The following GRIA4 variants were observed in gnomAD, a reference collection of about 807,000 sequenced individuals.
GRIA4 encodes the protein glutamate ionotropic receptor AMPA type subunit 4, also known as glutamate receptor 4.
Under a neutral mutation model 104.0 loss-of-function variants are expected in GRIA4, and 34 were observed. The ratio of observed to expected loss-of-function variants is 0.33; its 90% CI spans 0.25 to 0.44. The LOEUF (loss-of-function observed/expected upper bound fraction) is 0.44. GRIA4 is among the 20% of genes least tolerant of loss of function. The pLI, the probability that GRIA4 is intolerant of heterozygous loss-of-function variation, is 1.00. For synonymous variants in GRIA4, 386 were observed against 381.9 expected, an observed-to-expected ratio of 1.01 and a Z score of -0.13; for missense variants, 750 against 1,096.5, an observed-to-expected ratio of 0.68 and a Z score of 4.46.
At chr11:105,931,978 T>C (rs1305095243) in intron 13 of GRIA4, among the ~76,000 whole-genome samples, 2 of 152,122 alleles carry the variant, frequency 1.3e-5, no homozygotes, top group South Asian at 2.1e-4. Flanking sequence ...GGAAGCTCAA[T>C]GTAAATAAAT....
intron 4 of GRIA4, chr11:105,824,487 A>C (rs866785202): frequency 2.0e-5 from 3 of 152,232 alleles, no homozygotes; most frequent in South Asian, 2.1e-4. Flanking sequence ...TATTCACAAT[A>C]GCGTTGCATC....
At chr11:105,832,308 T>C (rs1944004891) in intron 4 of GRIA4, among the ~76,000 whole-genome samples, 1 of 151,772 alleles carries the variant, frequency 6.6e-6, no homozygotes, top group Non-Finnish European at 1.5e-5. Context: ...TAACTTTCTA[T>C]TACTGTCTTT....
intron 4 of GRIA4, among the ~76,000 whole-genome samples, chr11:105,794,473 GTATATATATATATA>G (rs71041629): frequency 8.2e-4 from 36 of 43,882 alleles, no homozygotes; most frequent in Admixed American, 2.8e-3. Context: ...GTATATGTAT[GTATATATATATATA>G]TATATATATA....
intron 5 of GRIA4, among the ~76,000 whole-genome samples, chr11:105,869,267 A>G (rs1647323838): frequency 6.6e-6 from 1 of 152,158 alleles, no homozygotes; most frequent in South Asian, 2.1e-4. Flanking sequence ...TTCTACGATT[A>G]GGTTAGGTTC....
chr11:105,906,244 A>T (rs879435338), intron 9 of GRIA4, among the ~76,000 whole-genome samples: 28 of 152,046 alleles, frequency 1.8e-4, no homozygotes, highest in Non-Finnish European at 3.4e-4. Flanking sequence ...CTTTTTTTCA[A>T]ATGAGAAAAT....
intron 4 of GRIA4, among the ~76,000 whole-genome samples, chr11:105,817,080 C>A (rs1943408109): frequency 6.6e-6 from 1 of 152,148 alleles, no homozygotes; most frequent in East Asian, 1.9e-4. Flanking sequence ...GGGTTTGAAT[C>A]CCAGCCTCTT....
intron 3 of GRIA4, among the ~76,000 whole-genome samples, chr11:105,719,331 G>A (rs1954213855): frequency 6.6e-6 from 1 of 152,106 alleles, no homozygotes; most frequent in Non-Finnish European, 1.5e-5. Context: ...GTTGTCCCAC[G>A]AGCGGCTGGC....
intron 6 of GRIA4, among the ~76,000 whole-genome samples, chr11:105,888,415 C>G (rs1357401835): frequency 1.3e-5 from 2 of 149,152 alleles, no homozygotes; most frequent in East Asian, 4.0e-4. Context: ...TCCCAAGTAG[C>G]TGGGACTACA....
intron 5 of GRIA4, among the ~76,000 whole-genome samples, chr11:105,877,617 T>C (rs1020354097): frequency 2.6e-5 from 4 of 152,166 alleles, no homozygotes; most frequent in Non-Finnish European, 4.4e-5. Context: ...TTTTCATTCT[T>C]TTTTCTCTAA....
chr11:105,649,358 G>C (rs1406028565), intron 3 of GRIA4, among the ~76,000 whole-genome samples: 1 of 152,052 alleles, frequency 6.6e-6, no homozygotes, highest in Non-Finnish European at 1.5e-5. Flanking sequence ...TCAAAACTTT[G>C]ATATAGAATG....
intron 4 of GRIA4, among the ~76,000 whole-genome samples, chr11:105,832,090 T>C (rs755697131): frequency 2.0e-5 from 3 of 151,782 alleles, no homozygotes; most frequent in Non-Finnish European, 4.4e-5. Flanking sequence ...ATCAATGAAA[T>C]CATCAAAGTA....
intron 4 of GRIA4, among the ~76,000 whole-genome samples, chr11:105,775,510 T>C (rs1318917910): frequency 2.0e-5 from 3 of 151,916 alleles, no homozygotes; most frequent in Non-Finnish European, 4.4e-5. Context: ...AAAATAGGCC[T>C]GAAAAAATTT....
intron 10 of GRIA4, chr11:105,912,492 T>TA: frequency 1.3e-6 from 1 of 769,946 alleles, no homozygotes; most frequent in Non-Finnish European, 1.6e-6. Context: ...AAAAAAAGAC[T>TA]AAAAATGACT....
At chr11:105,841,114 A>G (rs565275660) in intron 4 of GRIA4, among the ~76,000 whole-genome samples, 1 of 152,150 alleles carries the variant, frequency 6.6e-6, no homozygotes, top group Non-Finnish European at 1.5e-5. Context: ...ACTTCTCTAT[A>G]TATCTTAATG....
intron 10 of GRIA4, chr11:105,912,316 G>A: frequency 1.0e-6 from 1 of 975,074 alleles, no homozygotes; most frequent in Non-Finnish European, 1.2e-6. Context: ...TTGGAATTTT[G>A]CCTGTTCTGT....
chr11:105,672,266 T>C (rs1565453141), intron 3 of GRIA4, among the ~76,000 whole-genome samples: 1 of 152,100 alleles, frequency 6.6e-6, no homozygotes, highest in Non-Finnish European at 1.5e-5. Flanking sequence ...AAGACAGTCA[T>C]TGATTGCCCA....
In GRIA4 at chr11:105,893,130, G is replaced by A. The variant is rs1946513976; in HGVS notation, c.727-5139G>A. ...GGTAATTAACCATTGTGAAATTCAA[G>A]CAAAGTAGTGGCCCATTTTAACAAG... On this transcript the variant is annotated intron_variant, in intron 6 of 16. Transcript: ENST00000282499. Among the ~76,000 whole-genome samples the A allele has an allele frequency of 1.3e-5, 2 of 152,078 alleles. 1 individual carries two copies. The highest frequency in any genetic ancestry group is 2.9e-5 in the Non-Finnish European group (2 of 67,994).
At chr11:105,665,961 A>T (rs1952152462) in intron 3 of GRIA4, among the ~76,000 whole-genome samples, 1 of 152,048 alleles carries the variant, frequency 6.6e-6, no homozygotes, top group Admixed American at 6.6e-5. Context: ...GAAGGATACT[A>T]TTCATACCTT....
At chr11:105,880,983 G>A (rs938600581) in intron 5 of GRIA4, among the ~76,000 whole-genome samples, 54 of 152,292 alleles carry the variant, frequency 3.5e-4, no homozygotes, top group African/African-American at 1.3e-3. Flanking sequence ...CCCAGAGGCT[G>A]ACCTTAAAAC....
Sources: allele counts gnomAD v4.1 joint callset (sites outside exome capture counted in the v4.1 genomes callset), GRCh38; gene constraint gnomAD v4.1.1; transcripts MANE v1.5; gene names NCBI Gene and HGNC (gene_info 2026-07-23, HGNC 2026-07-21).